MDFIC2: variants seen among roughly 807,000 people sequenced by gnomAD.
MDFIC2 encodes MyoD family inhibitor domain containing 2, also known as myoD family inhibitor domain-containing protein 2.
intron 3 of MDFIC2, among the ~76,000 whole-genome samples, chr3:70,203,208 C>T (rs1187697539): frequency 6.6e-6 from 1 of 152,030 alleles, no homozygotes; most frequent in Middle Eastern, 3.2e-3. Flanking sequence ...GATACCAGCC[C>T]CAAGCCAGTA....
At chr3:70,295,802 A>G (rs1003295340) in intron 2 of MDFIC2, among the ~76,000 whole-genome samples, 3 of 152,188 alleles carry the variant, frequency 2.0e-5, no homozygotes, top group Admixed American at 6.5e-5. Context: ...TTAGGCAAAG[A>G]TGTTGCATTT....
intron 2 of MDFIC2, among the ~76,000 whole-genome samples, chr3:70,283,346 T>A (rs759166862): frequency 1.3e-5 from 2 of 152,070 alleles, no homozygotes; most frequent in African/African-American, 4.8e-5. Flanking sequence ...AGTGGCTGAA[T>A]GAATAGGGCC....
At chr3:70,281,720 C>T (rs773283818) in intron 2 of MDFIC2, among the ~76,000 whole-genome samples, 8 of 152,122 alleles carry the variant, frequency 5.3e-5, no homozygotes, top group Non-Finnish European at 5.9e-5. Flanking sequence ...AAGTGAACTC[C>T]TTCTCGTCTT....
chr3:70,240,614 C>A (rs940740888), intron 2 of MDFIC2, among the ~76,000 whole-genome samples: 2 of 152,120 alleles, frequency 1.3e-5, no homozygotes, highest in Admixed American at 1.3e-4. Context: ...AGTGTGAATT[C>A]TTTCATTCCT....
intron 2 of MDFIC2, among the ~76,000 whole-genome samples, chr3:70,257,676 G>A (rs960209904): frequency 2.0e-5 from 3 of 152,136 alleles, no homozygotes; most frequent in Non-Finnish European, 4.4e-5. Flanking sequence ...CTAAATTAAT[G>A]GAGATACATA....
intron 2 of MDFIC2, among the ~76,000 whole-genome samples, chr3:70,281,353 A>G (rs1702080546): frequency 6.6e-6 from 1 of 152,150 alleles, no homozygotes; most frequent in South Asian, 2.1e-4. Flanking sequence ...CAACTTCATT[A>G]TTTGACTCTC....
At chr3:70,221,804 C>A (rs1187389306) in intron 2 of MDFIC2, among the ~76,000 whole-genome samples, 3 of 152,054 alleles carry the variant, frequency 2.0e-5, no homozygotes, top group Non-Finnish European at 4.4e-5. Context: ...GGTGGTCTTG[C>A]CATTTACAGG....
At chr3:70,268,474 C>CAAAAAAAAAAAA (rs66482424) in intron 2 of MDFIC2, among the ~76,000 whole-genome samples, 1 of 96,616 alleles carries the variant, frequency 1.0e-5, no homozygotes, top group Non-Finnish European at 2.0e-5. Context: ...GACTCCGTCT[C>CAAAAAAAAAAAA]AAAAAAAAAA....
chr3:70,269,685 AT>A (rs1701956181), intron 2 of MDFIC2, among the ~76,000 whole-genome samples: 1 of 152,186 alleles, frequency 6.6e-6, no homozygotes, highest in Non-Finnish European at 1.5e-5. Flanking sequence ...TGTACTAGCT[AT>A]ATTTAATATA....
intron 2 of MDFIC2, among the ~76,000 whole-genome samples, chr3:70,253,266 C>T (rs1701786173): frequency 1.3e-5 from 2 of 151,920 alleles, no homozygotes; most frequent in African/African-American, 2.4e-5. Context: ...TAGAGGGAGC[C>T]ATGTGGATAG....
intron 2 of MDFIC2, among the ~76,000 whole-genome samples, chr3:70,279,214 G>T (rs1702056986): frequency 6.6e-6 from 1 of 151,490 alleles, no homozygotes; most frequent in African/African-American, 2.4e-5. Context: ...TTTGCATGTA[G>T]TGTTTCACAA....
chr3:70,309,811 G>A (rs1295368060), intron 2 of MDFIC2, among the ~76,000 whole-genome samples: 1 of 152,118 alleles, frequency 6.6e-6, no homozygotes, highest in Non-Finnish European at 1.5e-5. Context: ...TAGCTTAAAT[G>A]AAGTGTCCAA....
intron 2 of MDFIC2, among the ~76,000 whole-genome samples, chr3:70,260,975 G>T (rs1035189662): frequency 6.6e-5 from 10 of 152,134 alleles, no homozygotes; most frequent in Non-Finnish European, 8.8e-5. Flanking sequence ...TATAATATTT[G>T]CAGAACTTGT....
chr3:70,300,233 C>T (rs897113022), intron 2 of MDFIC2, among the ~76,000 whole-genome samples: 4 of 152,064 alleles, frequency 2.6e-5, no homozygotes, highest in African/African-American at 9.7e-5. Flanking sequence ...AAGCCAGAAA[C>T]GCCCTTGCCC....
intron 2 of MDFIC2, among the ~76,000 whole-genome samples, chr3:70,228,621 A>C (rs1575602005): frequency 6.7e-6 from 1 of 150,108 alleles, no homozygotes; most frequent in African/African-American, 2.4e-5. Context: ...GAAACATTTA[A>C]GTTTTCTTAC....
At chr3:70,228,332 A>T (rs1377695212) in intron 2 of MDFIC2, among the ~76,000 whole-genome samples, 1 of 152,160 alleles carries the variant, frequency 6.6e-6, no homozygotes, top group Non-Finnish European at 1.5e-5. Context: ...CTTTTCTTTA[A>T]TCAAAGTTTC....
chr3:70,210,924 A>G (rs1488327806), intron 2 of MDFIC2, among the ~76,000 whole-genome samples: 1 of 152,110 alleles, frequency 6.6e-6, no homozygotes, highest in Non-Finnish European at 1.5e-5. Context: ...ATTTAATTCA[A>G]TTAACATTTA....
At chr3:70,253,730 A>T (rs1701790336) in intron 2 of MDFIC2, among the ~76,000 whole-genome samples, 1 of 152,218 alleles carries the variant, frequency 6.6e-6, no homozygotes, top group African/African-American at 2.4e-5. Context: ...CTCTAAAAAA[A>T]GTAAAAATAC....
chr3:70,278,868 A>C (rs1485026979), intron 2 of MDFIC2, among the ~76,000 whole-genome samples: 1 of 151,988 alleles, frequency 6.6e-6, no homozygotes, highest in Non-Finnish European at 1.5e-5. Context: ...TTGTAAAAAC[A>C]AATGAAATAA....
Sources: gnomAD v4.1 joint callset for allele counts (sites outside exome capture counted in the v4.1 genomes callset) on GRCh38, gnomAD v4.1.1 for gene constraint, MANE v1.5 for transcripts, NCBI Gene and HGNC (gene_info 2026-07-23, HGNC 2026-07-21) for gene names.